USP12: variants seen among roughly 807,000 people sequenced by gnomAD.
USP12 encodes ubiquitin specific peptidase 12, also known as ubiquitin carboxyl-terminal hydrolase 12.
Under a neutral mutation model 45.5 loss-of-function variants are expected in USP12, and 19 were observed. The ratio of observed to expected loss-of-function variants is 0.42; its 90% CI spans 0.29 to 0.61. The LOEUF (loss-of-function observed/expected upper bound fraction) is 0.61, where lower values mean the gene tolerates loss of function less well. Ranked by LOEUF, USP12 falls within the 20% of genes least tolerant of loss-of-function variation. The probability of loss-of-function intolerance (pLI) is 0.22; values close to 1 mark genes in which losing one functional copy is unlikely to be tolerated. For missense variants in USP12, 242 were observed against 447.7 expected (o/e 0.54, Z 4.15); for synonymous variants, 149 against 148.8 (o/e 1.00, Z -0.01).
At chr13:27,098,934 C>T (rs978596536) in intron 3 of USP12, among the ~76,000 whole-genome samples, 2 of 152,146 alleles carry the variant, frequency 1.3e-5, no homozygotes, top group African/African-American at 4.8e-5. Context: ...GGATCCCACT[C>T]ATGAAAAACA....
rs140738758 is a variant in USP12 at position 27,161,681 on chromosome 13, G to A, written c.48+9911C>T. Among the ~76,000 whole-genome samples the A allele has an allele frequency of 2.3e-3, 344 of 152,094 alleles. 2 individuals are homozygous for A. Among genetic ancestry groups the A allele is most frequent in the Non-Finnish European group, 3.6e-3 (243 of 67,988 alleles). Reference sequence around the variant, plus strand: ...ATCACTTGAGTTTGAGACCAGCCTGGGCAACATGGTGAAACCCTGTCTCTA... The same window carrying A: ...ATCACTTGAGTTTGAGACCAGCCTGAGCAACATGGTGAAACCCTGTCTCTA... On this transcript the variant is annotated intron_variant, in intron 1 of 8. Coordinates refer to ENST00000282344, the MANE Select transcript of USP12 (RefSeq NM_182488.4).
At position 27,069,196 on chromosome 13, in the gene USP12, C is replaced by G; in HGVS notation, c.*87G>C. The G allele has an allele frequency of 8.3e-7, 1 of 1,198,200 alleles. No homozygotes were observed. The allele number at this position is 1,198,200 out of a possible 1,614,324, so 74.2% of individuals were successfully genotyped here. A position where few individuals can be genotyped will look rare whatever the true frequency, so the allele number is the denominator to read the frequency against. On this transcript the variant is annotated 3_prime_UTR_variant, in exon 9 of 9. Transcript: ENST00000282344. The stretch of plus-strand genomic sequence containing the variant: ...TGCCCCCTGAGCTTCCTGCATTTCT[C>G]TTTTCTTGAAAAATCAGTGCTTGAT...
In USP12 at chr13:27,095,702, T is replaced by C. The variant is rs761208302; in HGVS notation, c.472A>G (p.Ile158Val). 1 of 1,613,378 alleles carries C rather than the reference T, an allele frequency of 6.2e-7. No homozygotes were observed. The highest frequency in any genetic ancestry group is 8.5e-7 in the Non-Finnish European group (1 of 1,179,580). The change falls in exon 4 of 9, where the codon ATT becomes GTT. Residue 158 changes from isoleucine (I) to valine (V), a missense_variant. Transcript: ENST00000282344. ...KQNGRLPNGN[I>V]DNENNNSTPD... ...GTGCTGTTATTATTTTCATTATCAA[T>C]ATTACCATTAGGTAAACGACCATTT...
rs944167915 is a variant in USP12 at position 27,068,265 on chromosome 13, G to A, written c.*1018C>T. ...AGATTGGTATACCACCACTGCACCA[G>A]AATTTTTAATTATTCCAACAACTAC... is the stretch of plus-strand genomic sequence containing the variant. On this transcript the variant is annotated 3_prime_UTR_variant, in exon 9 of 9. Transcript: ENST00000282344. 1 of 152,488 alleles carries A rather than the reference G, an allele frequency of 6.6e-6. No individual in the cohort carries two copies. The highest frequency in any genetic ancestry group is 2.4e-5 in the African/African-American group (1 of 41,386). The allele number at this position is 152,488 out of a possible 1,614,324, so 9.4% of individuals were successfully genotyped here. A position where few individuals can be genotyped will look rare whatever the true frequency, so the allele number is the denominator to read the frequency against.
chr13:27,084,435 G>A (rs993942490), intron 6 of USP12, among the ~76,000 whole-genome samples: 3 of 150,340 alleles, frequency 2.0e-5, no homozygotes, highest in Admixed American at 6.6e-5. Context: ...GAACCCGGGA[G>A]CTGGAGGTTG....
intron 7 of USP12, among the ~76,000 whole-genome samples, chr13:27,074,518 G>C (rs1267439598): frequency 6.6e-6 from 1 of 152,120 alleles, no homozygotes; most frequent in African/African-American, 2.4e-5. Context: ...AAAACCAAGG[G>C]GAAAATGATG....
At position 27,069,070 on chromosome 13, in the gene USP12, C is replaced by T; in HGVS notation, c.*213G>A. On this transcript the variant is annotated 3_prime_UTR_variant, in exon 9 of 9. Coordinates refer to ENST00000282344, the MANE Select transcript of USP12 (RefSeq NM_182488.4). ...GATTTCACCTCCTTGTTGTATGGAA[C>T]TGTACAGACAGCATGATACCTGAGC... The T allele has an allele frequency of 1.7e-6, 1 of 573,110 alleles. No homozygotes were observed. Among genetic ancestry groups the T allele is most frequent in the East Asian group, 2.9e-5 (1 of 33,976 alleles). 35.5% of individuals were successfully genotyped at this position (573,110 alleles called of 1,614,324 possible).
chr13:27,154,521 A>C (rs1033510353), intron 1 of USP12, among the ~76,000 whole-genome samples: 1 of 152,202 alleles, frequency 6.6e-6, no homozygotes, highest in Non-Finnish European at 1.5e-5. Flanking sequence ...CTTAATGTTC[A>C]CTTAGTACAA....
chr13:27,095,451 C>CA, intron 4 of USP12, 150 bp downstream of exon 4: 1 of 565,028 alleles, frequency 1.8e-6, no homozygotes, highest in South Asian at 3.1e-5. Flanking sequence ...AGAATACAGA[C>CA]AGATTCCTTT....
At chr13:27,098,239 A>C (rs1874690671) in intron 3 of USP12, among the ~76,000 whole-genome samples, 2 of 152,144 alleles carry the variant, frequency 1.3e-5, no homozygotes, top group Admixed American at 1.3e-4. Context: ...CACATCAAAG[A>C]CTGACTATGT....
chr13:27,099,489 T>G (rs1040767040), intron 3 of USP12, among the ~76,000 whole-genome samples: 22 of 152,140 alleles, frequency 1.4e-4, no homozygotes, highest in Admixed American at 1.4e-3. Flanking sequence ...ATTTTTAAAG[T>G]TCATTTCCTG....
intron 1 of USP12, among the ~76,000 whole-genome samples, chr13:27,122,333 A>C (rs990260660): frequency 6.6e-6 from 1 of 152,028 alleles, no homozygotes; most frequent in South Asian, 2.1e-4. Flanking sequence ...TTCTCTTGCC[A>C]CCGCCCTGTA....
At chr13:27,081,731 C>T (rs1471931898) in intron 6 of USP12, among the ~76,000 whole-genome samples, 1 of 152,142 alleles carries the variant, frequency 6.6e-6, no homozygotes, top group Non-Finnish European at 1.5e-5. Flanking sequence ...AATTGAAAGT[C>T]AAAATAACTC....
chr13:27,155,329 C>T lies in USP12; in HGVS notation c.48+16263G>A, dbSNP rs529866533. ...ATCTCCTGACCTCGTGATCTGCCCG[C>T]CTTGGCCTCCCAAGGTGCTGGGATC... On this transcript the variant is annotated intron_variant, in intron 1 of 8. Transcript: ENST00000282344. 3.3e-5 allele frequency among the ~76,000 whole-genome samples: 5 copies of T among 152,086 alleles called. No individual in the cohort carries two copies. The East Asian group carries it at 9.7e-4, about 29-fold the overall frequency.
chr13:27,126,226 C>T (rs951942491), intron 1 of USP12, among the ~76,000 whole-genome samples: 2 of 152,138 alleles, frequency 1.3e-5, no homozygotes, highest in South Asian at 2.1e-4. Flanking sequence ...CAGTAGGGGC[C>T]GACAGACACC....
At chr13:27,076,027 C>A (rs2137755346) in intron 6 of USP12, among the ~76,000 whole-genome samples, 1 of 83,116 alleles carries the variant, frequency 1.2e-5, no homozygotes, top group East Asian at 4.8e-4. Flanking sequence ...AAGGCTCCGT[C>A]TCAAAAAAAA....
chr13:27,072,285 T>G (rs1346007792), intron 7 of USP12, among the ~76,000 whole-genome samples: 1 of 152,078 alleles, frequency 6.6e-6, no homozygotes, highest in Non-Finnish European at 1.5e-5. Flanking sequence ...CAAAGAAAGG[T>G]TGCAGAACAC....
chr13:27,090,377 ACT>A (rs1006012010), intron 4 of USP12, among the ~76,000 whole-genome samples: 52 of 152,276 alleles, frequency 3.4e-4, no homozygotes, highest in African/African-American at 1.3e-3. Flanking sequence ...CTTTTGACTG[ACT>A]CTCACTGGCA....
intron 1 of USP12, among the ~76,000 whole-genome samples, chr13:27,161,012 C>T (rs1415962660): frequency 1.3e-5 from 2 of 151,984 alleles, no homozygotes; most frequent in East Asian, 1.9e-4. Context: ...CTTTCAAGGC[C>T]GTTAAGTCTG....
Sources: allele counts gnomAD v4.1 joint callset (sites outside exome capture counted in the v4.1 genomes callset), GRCh38; gene constraint gnomAD v4.1.1; transcripts MANE v1.5; gene names NCBI Gene and HGNC (gene_info 2026-07-23, HGNC 2026-07-21).